The following NRIP2 variants were observed in gnomAD, a reference collection of about 807,000 sequenced individuals.
NRIP2 encodes nuclear receptor-interacting protein 2.
A neutral mutation model predicts 34.1 loss-of-function variants in NRIP2; 27 were observed. The observed-to-expected ratio is 0.79, with a 90% CI of 0.58 to 1.09. The LOEUF (loss-of-function observed/expected upper bound fraction) is 1.09, where lower values mean the gene tolerates loss of function less well. NRIP2 is among the 50% of genes least tolerant of loss of function. The pLI, the probability that NRIP2 is intolerant of heterozygous loss-of-function variation, is 0.00. For synonymous variants in NRIP2, 145 were observed against 146.9 expected, an observed-to-expected ratio of 0.99 and a Z score of 0.09; for missense variants, 385 against 352.6, an observed-to-expected ratio of 1.09 and a Z score of -0.74.
chr12:2,832,559 C>G (rs535566142), intron 1 of NRIP2, among the ~76,000 whole-genome samples: 1 of 152,004 alleles, frequency 6.6e-6, no homozygotes, highest in South Asian at 2.1e-4. Context: ...AGGATGTACC[C>G]TCTCCAGGAT....
At chr12:2,829,796 C>T (rs1171693948) in intron 2 of NRIP2, among the ~76,000 whole-genome samples, 5 of 148,858 alleles carry the variant, frequency 3.4e-5, no homozygotes, top group Non-Finnish European at 7.4e-5. Context: ...CCGGAAAAGT[C>T]GAGGGGTGCG....
At chr12:2,833,048 C>G (rs1005182431) in intron 1 of NRIP2, among the ~76,000 whole-genome samples, 5 of 151,972 alleles carry the variant, frequency 3.3e-5, no homozygotes, top group African/African-American at 4.8e-5. Context: ...TCAGCCATCC[C>G]AGGGAGGGAG....
In NRIP2 at chr12:2,827,962, C is replaced by G; in HGVS notation, c.664G>C (p.Gly222Arg). The stretch of plus-strand genomic sequence containing the variant: ...GCCGAGCACACCACAGTCTCCTGCC[C>G]CAGCTGTAGCTCCAACTGCTCCACC... ...TQVEQLELQL[G>R]QETVVCSAQV... Residue 222 changes from glycine to arginine, a missense_variant, in exon 4 of 6, where the codon GGG (glycine) becomes CGG (arginine). By Grantham distance (125) the Gly-to-Arg change is moderately radical. Coordinates refer to ENST00000337508, the MANE Select transcript of NRIP2 (RefSeq NM_031474.3). This position sits in a 1 kb window ranked among gnomAD's most constrained non-coding sequence, Gnocchi z 4.0. The G allele has an allele frequency of 1.2e-6, 2 of 1,614,200 alleles. No homozygotes were observed. Among genetic ancestry groups the G allele is most frequent in the East Asian group, 2.2e-5 (1 of 44,882 alleles).
intron 1 of NRIP2, among the ~76,000 whole-genome samples, chr12:2,832,150 C>T (rs1159719231): frequency 6.6e-6 from 1 of 152,182 alleles, no homozygotes; most frequent in Non-Finnish European, 1.5e-5. Context: ...TTCATTGTGA[C>T]AAGATCCCCA....
At chr12:2,831,608 A>C (rs1168855667) in intron 1 of NRIP2, among the ~76,000 whole-genome samples, 2 of 151,486 alleles carry the variant, frequency 1.3e-5, no homozygotes, top group Admixed American at 6.6e-5. Flanking sequence ...AACAAAAAAA[A>C]CTCTTAAGAA....
chr12:2,833,352 T>G (rs781343835), intron 1 of NRIP2, among the ~76,000 whole-genome samples: 4 of 152,014 alleles, frequency 2.6e-5, no homozygotes, highest in Non-Finnish European at 5.9e-5. Flanking sequence ...CAAGTAGGAA[T>G]AAGCCCCTGG....
At position 2,826,513 on chromosome 12, in the gene NRIP2, A is replaced by G. The variant is rs1277514287; in HGVS notation, c.*694T>C. The G allele has an allele frequency of 1.3e-5, 2 of 152,268 alleles. No individual in the cohort carries two copies. Among genetic ancestry groups the G allele is most frequent in the African/African-American group, 2.4e-5 (1 of 41,412 alleles). The allele number at this position is 152,268 out of a possible 1,614,324, so 9.4% of individuals were successfully genotyped here. A position where few individuals can be genotyped will look rare whatever the true frequency, so the allele number is the denominator to read the frequency against. ...AGCCAGTGGAAACGGATAAATACCT[A>G]TAGCGTTAATAGCAGAAGTATGTCC... On this transcript the variant is annotated 3_prime_UTR_variant, in exon 6 of 6. Transcript: ENST00000337508.
rs1449253472 is a variant in NRIP2, at chr12:2,828,049, T to C, written c.579-2A>G. 6.2e-7 allele frequency: 1 copy of C among 1,611,724 alleles called. No homozygotes were observed. The highest frequency in any genetic ancestry group is 1.7e-5 in the Admixed American group (1 of 59,758). The stretch of plus-strand genomic sequence containing the variant: ...GCTTTTAGGACCCTTTTCTCTAACC[T>C]GTGGTTGGGAAGCAAGGGTTATGGC... On this transcript the variant is annotated splice_acceptor_variant, in intron 3 of 5. Transcript: ENST00000337508. LOFTEE classifies it high-confidence loss of function.
intron 2 of NRIP2, 38 bp from the exon 3 acceptor site, chr12:2,828,452 A>G (rs948532941): frequency 3.3e-6 from 5 of 1,510,684 alleles, no homozygotes; most frequent in Admixed American, 3.5e-5. Flanking sequence ...GTGAGTCCCT[A>G]GGAGAATGGG....
intron 2 of NRIP2, chr12:2,830,099 AAAAG>A (rs946041898): frequency 3.9e-5 from 6 of 152,260 alleles, no homozygotes; most frequent in Admixed American, 6.5e-5. Flanking sequence ...TTTTTTTAAA[AAAAG>A]GACGTGAGTA....
chr12:2,830,532 A>T, intron 2 of NRIP2, 176 bp downstream of exon 2: 1 of 589,690 alleles, frequency 1.7e-6, no homozygotes, highest in Non-Finnish European at 2.9e-6. Context: ...CACCGAGGAG[A>T]CATGGCTTGG....
At position 2,827,871 on chromosome 12, in the gene NRIP2, CCCCAA is replaced by C. The variant is rs2097976548; in HGVS notation, c.700+50_700+54del. 1 of 1,611,918 alleles carries C rather than the reference CCCCAA, an allele frequency of 6.2e-7. No individual in the cohort carries two copies. Among genetic ancestry groups the C allele is most frequent in the Non-Finnish European group, 8.5e-7 (1 of 1,179,684 alleles). ...AGTGAAAGTCTCAGCCTTTGCCCCA[CCCCAA>C]AGAGAAAGGTGAGGTGAGCACCAGG... On this transcript the variant is annotated intron_variant, in intron 4 of 5. Transcript: ENST00000337508. This position sits in a 1 kb window ranked among gnomAD's most constrained non-coding sequence, Gnocchi z 4.0.
chr12:2,828,655 G>A (rs2097983050), intron 2 of NRIP2, among the ~76,000 whole-genome samples: 1 of 151,966 alleles, frequency 6.6e-6, no homozygotes, highest in Non-Finnish European at 1.5e-5. Flanking sequence ...GCCTGACCAG[G>A]GTTTAGTAGA....
Position 2,826,841 on chromosome 12 carries a change from T to G in NRIP2, c.*366A>C. On this transcript the variant is annotated 3_prime_UTR_variant, in exon 6 of 6. Transcript: ENST00000337508. ...GTGGGAAGTTGAGTTGTGTTTGGGG[T>G]GGTATTGGGTGATGGACAAGGACAG... The G allele has an allele frequency of 3.2e-6, 1 of 315,750 alleles. No individual in the cohort carries two copies. The allele number at this position is 315,750 out of a possible 1,614,324, so 19.6% of individuals were successfully genotyped here. A position where few individuals can be genotyped will look rare whatever the true frequency, so the allele number is the denominator to read the frequency against.
intron 1 of NRIP2, among the ~76,000 whole-genome samples, chr12:2,831,400 A>G (rs1019033564): frequency 5.9e-5 from 9 of 151,992 alleles, no homozygotes; most frequent in African/African-American, 2.2e-4. Context: ...CCTGGCCAAC[A>G]TGGTGAAACC....
At chr12:2,829,991 C>T (rs76787505) in intron 2 of NRIP2, among the ~76,000 whole-genome samples, 1 of 150,624 alleles carries the variant, frequency 6.6e-6, no homozygotes, top group Non-Finnish European at 1.5e-5. Flanking sequence ...GCAGGAGAAT[C>T]GCTTGAACCC....
intron 3 of NRIP2, 130 bp from the exon 4 acceptor site, chr12:2,828,177 C>T (rs1603483867): frequency 1.7e-6 from 2 of 1,159,778 alleles, no homozygotes; most frequent in Non-Finnish European, 2.5e-6. Flanking sequence ...TAAATCCTTG[C>T]CTTCTCTGCC....
At position 2,827,153 on chromosome 12, in the gene NRIP2, C is replaced by T. The variant is rs1219312827; in HGVS notation, c.*54G>A. The T allele has an allele frequency of 9.3e-6, 15 of 1,612,060 alleles. No individual in the cohort carries two copies. The highest frequency in any genetic ancestry group is 3.3e-5 in the South Asian group (3 of 90,862). ...GCTTCAAGAGCCCCCGTTCCCCACA[C>T]GCCTCTTCTTCTAAGGCAAGGTCTT... On this transcript the variant is annotated 3_prime_UTR_variant, in exon 6 of 6. Transcript: ENST00000337508. The surrounding 1 kb of genome is among the most constrained non-coding windows in gnomAD (Gnocchi z 4.0).
Position 2,827,396 on chromosome 12 carries a change from A to G in NRIP2, c.754-97T>C. On this transcript the variant is annotated intron_variant, in intron 5 of 5. Coordinates refer to ENST00000337508, the MANE Select transcript of NRIP2 (RefSeq NM_031474.3). The surrounding 1 kb of genome is among the most constrained non-coding windows in gnomAD (Gnocchi z 4.0). Reference sequence around the variant, plus strand: ...CCCCCTCCCACTTCCCACAGCTTCCACCTGCCTTTTGCTCTTCCCCCATCC... The same window carrying G: ...CCCCCTCCCACTTCCCACAGCTTCCGCCTGCCTTTTGCTCTTCCCCCATCC... The G allele has an allele frequency of 6.6e-7, 1 of 1,526,534 alleles. No homozygotes were observed. Among genetic ancestry groups the G allele is most frequent in the Non-Finnish European group, 8.7e-7 (1 of 1,143,518 alleles). 94.6% of individuals were successfully genotyped at this position (1,526,534 alleles called of 1,614,324 possible).
Sources: allele counts gnomAD v4.1 joint callset (sites outside exome capture counted in the v4.1 genomes callset), GRCh38; gene constraint gnomAD v4.1.1; non-coding constraint Gnocchi (gnomAD v3.1); transcripts MANE v1.5; gene names NCBI Gene and HGNC (gene_info 2026-07-23, HGNC 2026-07-21).